The following RNF112 variants were observed in gnomAD, a reference collection of about 807,000 sequenced individuals.
RNF112 encodes the protein brain finger protein.
Under a neutral mutation model 64.7 loss-of-function variants are expected in RNF112, and 34 were observed. That is an observed-to-expected ratio of 0.53 (90% CI 0.40 to 0.70). The LOEUF (loss-of-function observed/expected upper bound fraction) is 0.70, where lower values mean the gene tolerates loss of function less well. RNF112 is among the 30% of genes least tolerant of loss of function. The pLI, the probability that RNF112 is intolerant of heterozygous loss-of-function variation, is 0.00. For synonymous variants in RNF112, 345 were observed against 344.5 expected, an observed-to-expected ratio of 1.00 and a Z score of -0.02; for missense variants, 734 against 850.0, an observed-to-expected ratio of 0.86 and a Z score of 1.70.
At position 19,412,996 on chromosome 17, in the gene RNF112, G is replaced by T. The variant is rs544958157; in HGVS notation, c.440G>T (p.Gly147Val). The T allele has an allele frequency of 3.2e-5, 52 of 1,610,150 alleles. No individual in the cohort carries two copies. Among genetic ancestry groups the T allele is most frequent in the Admixed American group, 1.2e-4 (7 of 59,526 alleles). The stretch of plus-strand genomic sequence containing the variant: ...CTGGTTCGCATCAATGCCTCTGGGG[G>T]CCTCATCCTTAGGATGGGGGCCATC... ...LLLVRINASG[G>V]LILRMGAINR... The change falls in exon 4 of 14, where the codon GGC becomes GTC. Residue 147 changes from glycine (G) to valine (V), a missense_variant. Gly to Val is a moderately radical substitution (Grantham distance 109). Transcript: ENST00000461366. The surrounding 1 kb of genome is among the most constrained non-coding windows in gnomAD (Gnocchi z 5.1).
Position 19,414,515 on chromosome 17 carries a change from C to G in RNF112, c.933+10C>G. The G allele has an allele frequency of 6.2e-7, 1 of 1,613,936 alleles. No homozygotes were observed. Among genetic ancestry groups the G allele is most frequent in the East Asian group, 2.2e-5 (1 of 44,878 alleles). On this transcript the variant is annotated intron_variant, in intron 8 of 13. Transcript: ENST00000461366. The stretch of plus-strand genomic sequence containing the variant: ...GATGGTGCCAATCCAGGTGAGACAC[C>G]TATCTCTGGATTCATTGGCCCCAGG...
chr17:19,415,171 C>T lies in RNF112; in HGVS notation c.1260C>T (p.Arg420=). 3 of 1,607,802 alleles carry T rather than the reference C, an allele frequency of 1.9e-6. No homozygotes were observed. The highest frequency in any genetic ancestry group is 2.5e-6 in the Non-Finnish European group (3 of 1,178,494). Residue 420 remains arginine, a synonymous_variant, in exon 11 of 14, where the codon CGC becomes CGT. Coordinates refer to ENST00000461366, the MANE Select transcript of RNF112 (RefSeq NM_007148.5). The surrounding 1 kb of genome is among the most constrained non-coding windows in gnomAD (Gnocchi z 7.8). ...GCGCCGTGGCCAGGGGGGACAGACG[C>T]CTACTCACGGGGCAGCAGCTAGCTC... ...EGRAVARGDR[R]LLTGQQLAQE... is the part of the protein sequence containing the mutation.
chr17:19,413,152 C>T lies in RNF112; in HGVS notation c.588+8C>T, dbSNP rs780791671. 19 of 1,540,920 alleles carry T rather than the reference C, an allele frequency of 1.2e-5. No individual in the cohort carries two copies. Among genetic ancestry groups the T allele is most frequent in the East Asian group, 7.3e-5 (3 of 40,940 alleles). On this transcript the variant is annotated splice_region_variant and intron_variant, in intron 4 of 13. Transcript: ENST00000461366. The surrounding 1 kb of genome is among the most constrained non-coding windows in gnomAD (Gnocchi z 5.9). Reference sequence around the variant, plus strand: ...CAGGGCTTGCCGGGCCTGGTGAGGGCGGGGCGGGGCAGGAGGGAGGCGGGG... The same window carrying T: ...CAGGGCTTGCCGGGCCTGGTGAGGGTGGGGCGGGGCAGGAGGGAGGCGGGG...
chr17:19,413,073 G>C lies in RNF112; in HGVS notation c.517G>C (p.Ala173Pro). 2 of 1,613,366 alleles carry C rather than the reference G, an allele frequency of 1.2e-6. No homozygotes were observed. Among genetic ancestry groups the C allele is most frequent in the Non-Finnish European group, 1.7e-6 (2 of 1,179,812 alleles). ...CAGGGACACCCCAGTCTGCCTCCTC[G>C]CTGTCCTGGGGGAGCAGCACTCAGG... is the stretch of plus-strand genomic sequence containing the variant. Reference protein sequence around the residue: ...LARDTPVCLLAVLGEQHSGKS... With the variant: ...LARDTPVCLLPVLGEQHSGKS... Residue 173 changes from alanine to proline, a missense_variant, in exon 4 of 14, where the codon GCT becomes CCT. By Grantham distance (27) the Ala-to-Pro change is conservative. Coordinates refer to ENST00000461366, the MANE Select transcript of RNF112 (RefSeq NM_007148.5). This position sits in a 1 kb window ranked among gnomAD's most constrained non-coding sequence, Gnocchi z 5.9.
rs1413432908 is a variant in RNF112, at chr17:19,415,924, G to A, written c.1645G>A (p.Ala549Thr). The change falls in exon 14 of 14, where the codon GCT becomes ACT. Residue 549 changes from alanine to threonine, a missense_variant. Coordinates refer to ENST00000461366, the MANE Select transcript of RNF112 (RefSeq NM_007148.5). The surrounding 1 kb of genome is among the most constrained non-coding windows in gnomAD (Gnocchi z 7.8). ...YTMRFCGHLA[A>T]VGGAVGAGLM... ...GATGCGCTTCTGTGGCCACCTAGCTGCTGTGGGGGGTGCTGTGGGGGCCGG... is the reference window on the plus strand; with the variant it reads ...GATGCGCTTCTGTGGCCACCTAGCTACTGTGGGGGGTGCTGTGGGGGCCGG... 1.2e-6 allele frequency: 2 copies of A among 1,611,226 alleles called. No individual in the cohort carries two copies. Among genetic ancestry groups the A allele is most frequent in the Non-Finnish European group, 1.7e-6 (2 of 1,178,968 alleles).
chr17:19,413,762 C>T lies in RNF112; in HGVS notation c.825+81C>T. 1 of 1,102,372 alleles carries T rather than the reference C, an allele frequency of 9.1e-7. No homozygotes were observed. The highest frequency in any genetic ancestry group is 1.3e-6 in the Non-Finnish European group (1 of 765,254). 68.3% of individuals were successfully genotyped at this position (1,102,372 alleles called of 1,614,324 possible). A position where few individuals can be genotyped will look rare whatever the true frequency, so the allele number is the denominator to read the frequency against. ...GCTTCCTCAAGGCCAGAGCATCTCA[C>T]AGGCTTTGGTGTCTGGGGTCCTGAT... is the stretch of plus-strand genomic sequence containing the variant. On this transcript the variant is annotated intron_variant, in intron 6 of 13. Coordinates refer to ENST00000461366, the MANE Select transcript of RNF112 (RefSeq NM_007148.5). The surrounding 1 kb of genome is among the most constrained non-coding windows in gnomAD (Gnocchi z 5.9).
Position 19,416,616 on chromosome 17 carries a change from G to A in RNF112, c.*441G>A, listed in dbSNP as rs1913904224. The A allele has an allele frequency of 5.9e-6, 1 of 170,508 alleles. No homozygotes were observed. The highest frequency in any genetic ancestry group is 1.4e-4 in the South Asian group (1 of 7,308). 10.6% of individuals were successfully genotyped at this position (170,508 alleles called of 1,614,324 possible). On this transcript the variant is annotated 3_prime_UTR_variant, in exon 14 of 14. Transcript: ENST00000461366. ...GAGAAGCCCCAGGATGATTGACCAT[G>A]GTGTTCAGGAGCGGGGAGCACTGAT...
In RNF112 at chr17:19,416,818, G is replaced by A. The variant is rs940245073; in HGVS notation, c.*643G>A. The A allele has an allele frequency of 2.0e-5, 3 of 152,616 alleles. No homozygotes were observed. The highest frequency in any genetic ancestry group is 7.2e-5 in the African/African-American group (3 of 41,416). 9.5% of individuals were successfully genotyped at this position (152,616 alleles called of 1,614,324 possible). On this transcript the variant is annotated 3_prime_UTR_variant, in exon 14 of 14. Coordinates refer to ENST00000461366, the MANE Select transcript of RNF112 (RefSeq NM_007148.5). ...CCTGGCCCACAGCCCCAGAGAGCCT[G>A]TCTGTGCATCCTGAACCACTCTTTG... is the stretch of plus-strand genomic sequence containing the variant.
In RNF112 at chr17:19,412,427, C is replaced by T. The variant is rs1237192266; in HGVS notation, c.96-71C>T. ...CCACTCCCAAGCCATCAGTCTTCCA[C>T]CACAACCCTGGCCGGTACCCCCTGC... On this transcript the variant is annotated intron_variant, in intron 2 of 13. Transcript: ENST00000461366. This position sits in a 1 kb window ranked among gnomAD's most constrained non-coding sequence, Gnocchi z 5.1. The T allele has an allele frequency of 6.6e-7, 1 of 1,523,812 alleles. No individual in the cohort carries two copies. The highest frequency in any genetic ancestry group is 2.3e-5 in the East Asian group (1 of 43,396). 94.4% of individuals were successfully genotyped at this position (1,523,812 alleles called of 1,614,324 possible).
chr17:19,415,207 G>T lies in RNF112; in HGVS notation c.1296G>T (p.Lys432Asn). Residue 432 changes from lysine to asparagine, a missense_variant and splice_region_variant, in exon 11 of 14, where the codon AAG (lysine) becomes AAT (asparagine). Transcript: ENST00000461366. The surrounding 1 kb of genome is among the most constrained non-coding windows in gnomAD (Gnocchi z 7.8). ...LTGQQLAQEI[K>N]NLSGWMGRTG... is the part of the protein sequence containing the mutation. Reference sequence around the variant, plus strand: ...GGCAGCAGCTAGCTCAGGAAATCAAGGTGTGAAAACTCCCTGGAGACCCAG... The same window carrying T: ...GGCAGCAGCTAGCTCAGGAAATCAATGTGTGAAAACTCCCTGGAGACCCAG... 6.2e-7 allele frequency: 1 copy of T among 1,604,354 alleles called. No homozygotes were observed. The highest frequency in any genetic ancestry group is 8.5e-7 in the Non-Finnish European group (1 of 1,177,512).
rs1950811155 is a variant in RNF112 at position 19,415,668 on chromosome 17, C to G, written c.1426-37C>G. On this transcript the variant is annotated intron_variant, in intron 13 of 13. Coordinates refer to ENST00000461366, the MANE Select transcript of RNF112 (RefSeq NM_007148.5). The surrounding 1 kb of genome is among the most constrained non-coding windows in gnomAD (Gnocchi z 7.8). The stretch of plus-strand genomic sequence containing the variant: ...ATCAGGGAGAGGATACCTGGGACTC[C>G]TGGTCAGGGCACCTTCTTTTCCCCT... 5.6e-6 allele frequency: 9 copies of G among 1,599,778 alleles called. No homozygotes were observed. The highest frequency in any genetic ancestry group is 7.7e-6 in the Non-Finnish European group (9 of 1,172,102).
At position 19,416,031 on chromosome 17, in the gene RNF112, TG is replaced by T; in HGVS notation, c.1754del (p.Gly585GlufsTer54). On this transcript the variant is annotated frameshift_variant, in exon 14 of 14. Transcript: ENST00000461366. LOFTEE classifies it high-confidence loss of function. ...CTGCAGAGGCTGGGATGGTGGCTGC[TG>T]GAGCTGCCGTGGGGGCCACAGGGGC... The part of the protein sequence containing the change: ...LAAEAGMVAA[G>X]AAVGATGAAV... The T allele has an allele frequency of 6.5e-7, 1 of 1,546,264 alleles. No homozygotes were observed. The highest frequency in any genetic ancestry group is 8.7e-7 in the Non-Finnish European group (1 of 1,147,300).
intron 2 of RNF112, 154 bp downstream of exon 2, chr17:19,411,824 A>G: frequency 1.3e-6 from 1 of 788,766 alleles, no homozygotes; most frequent in Non-Finnish European, 2.1e-6. Flanking sequence ...AGGGACAGGA[A>G]GAAGCAGGTG....
At position 19,412,592 on chromosome 17, in the gene RNF112, T is replaced by A; in HGVS notation, c.190T>A (p.Leu64Met). The change falls in exon 3 of 14, where the codon TTG (leucine) becomes ATG (methionine). Residue 64 changes from leucine (L) to methionine (M), a missense_variant. By Grantham distance (15) the Leu-to-Met change is conservative (BLOSUM62 2). Coordinates refer to ENST00000461366, the MANE Select transcript of RNF112 (RefSeq NM_007148.5). This position sits in a 1 kb window ranked among gnomAD's most constrained non-coding sequence, Gnocchi z 5.1. Reference sequence around the variant, plus strand: ...TACCTGCTCCATCTGCCTGGAGAGGTTGCGCGACCCCATCTCGCTGGACTG... The same window carrying A: ...TACCTGCTCCATCTGCCTGGAGAGGATGCGCGACCCCATCTCGCTGGACTG... ...LPTCSICLER[L>M]RDPISLDCGH... 1 of 1,613,102 alleles carries A rather than the reference T, an allele frequency of 6.2e-7. No individual in the cohort carries two copies. Among genetic ancestry groups the A allele is most frequent in the South Asian group, 1.1e-5 (1 of 91,014 alleles).
Position 19,415,901 on chromosome 17 carries a change from T to G in RNF112, c.1622T>G (p.Met541Arg). ...AAGGCCTTCATGGACTCCTACACGA[T>G]GCGCTTCTGTGGCCACCTAGCTGCT... is the stretch of plus-strand genomic sequence containing the variant. ...TAKAFMDSYT[M>R]RFCGHLAAVG... Residue 541 changes from methionine to arginine, a missense_variant, in exon 14 of 14, where the codon ATG becomes AGG. Coordinates refer to ENST00000461366, the MANE Select transcript of RNF112 (RefSeq NM_007148.5). This position sits in a 1 kb window ranked among gnomAD's most constrained non-coding sequence, Gnocchi z 7.8. The G allele has an allele frequency of 6.2e-7, 1 of 1,612,450 alleles. No homozygotes were observed. Among genetic ancestry groups the G allele is most frequent in the Non-Finnish European group, 8.5e-7 (1 of 1,179,450 alleles).
Position 19,412,710 on chromosome 17 carries a change from A to G in RNF112, c.308A>G (p.Gln103Arg), listed in dbSNP as rs1351922232. The change falls in exon 3 of 14, where the codon CAG becomes CGG. Residue 103 changes from glutamine (Q) to arginine (R), a missense_variant. Gln to Arg is a conservative substitution (Grantham distance 43, BLOSUM62 1). Coordinates refer to ENST00000461366, the MANE Select transcript of RNF112 (RefSeq NM_007148.5). This position sits in a 1 kb window ranked among gnomAD's most constrained non-coding sequence, Gnocchi z 5.1. ...CCTGAGTGCCGGAAGATATGCAAGC[A>G]GAAGAGGGGCCTCCGGAGCCTGGGC... ...CCPECRKICK[Q>R]KRGLRSLGEK... 1 of 1,613,222 alleles carries G rather than the reference A, an allele frequency of 6.2e-7. No homozygotes were observed. The highest frequency in any genetic ancestry group is 2.2e-5 in the East Asian group (1 of 44,806).
chr17:19,415,129 G>A lies in RNF112; in HGVS notation c.1218G>A (p.Gly406=), dbSNP rs777909673. The change falls in exon 11 of 14, where the codon GGG becomes GGA. Residue 406 remains glycine, a synonymous_variant. Transcript: ENST00000461366. The surrounding 1 kb of genome is among the most constrained non-coding windows in gnomAD (Gnocchi z 7.8). ...AGCACGCTAAGAGCCGCTGCCAGGG[G>A]TACTGGAACGAGGGGCGCGCCGTGG... ...APQHAKSRCQ[G]YWNEGRAVAR... 1.9e-6 allele frequency: 3 copies of A among 1,609,296 alleles called. No homozygotes were observed. The highest frequency in any genetic ancestry group is 2.5e-6 in the Non-Finnish European group (3 of 1,178,898).
Position 19,413,500 on chromosome 17 carries a change from G to A in RNF112, c.721-77G>A. ...GGGTGAGGATAGAAGATGGGGATGG[G>A]ACGGGGCAGGGTTGGGAAGAATGTG... On this transcript the variant is annotated intron_variant, in intron 5 of 13. Coordinates refer to ENST00000461366, the MANE Select transcript of RNF112 (RefSeq NM_007148.5). This position sits in a 1 kb window ranked among gnomAD's most constrained non-coding sequence, Gnocchi z 5.9. 1 of 1,565,990 alleles carries A rather than the reference G, an allele frequency of 6.4e-7. No homozygotes were observed. Among genetic ancestry groups the A allele is most frequent in the Non-Finnish European group, 8.8e-7 (1 of 1,142,666 alleles).
chr17:19,413,969 A>ATG lies in RNF112; in HGVS notation c.826-125_826-124insGT. The ATG allele has an allele frequency of 1.3e-6, 1 of 771,642 alleles. No individual in the cohort carries two copies. Among genetic ancestry groups the ATG allele is most frequent in the Non-Finnish European group, 2.1e-6 (1 of 469,362 alleles). 47.8% of individuals were successfully genotyped at this position (771,642 alleles called of 1,614,324 possible). On this transcript the variant is annotated intron_variant, in intron 6 of 13. Coordinates refer to ENST00000461366, the MANE Select transcript of RNF112 (RefSeq NM_007148.5). This position sits in a 1 kb window ranked among gnomAD's most constrained non-coding sequence, Gnocchi z 5.9. ...CAGCCCTGCAGCCTTCGAGGCCCCC[A>ATG]TACTGGCCTCTCCCATACTCTGAGG...
Sources: gnomAD v4.1 joint callset for allele counts on GRCh38, gnomAD v4.1.1 for gene constraint, Gnocchi (gnomAD v3.1) non-coding constraint, MANE v1.5 for transcripts, NCBI Gene and HGNC (gene_info 2026-07-23, HGNC 2026-07-21) for gene names.